COQ8B: variants seen among roughly 807,000 people sequenced by gnomAD.
COQ8B encodes the protein atypical kinase COQ8B, mitochondrial.
A neutral mutation model predicts 62.0 loss-of-function variants in COQ8B; 44 were observed. The ratio of observed to expected loss-of-function variants is 0.71; its 90% confidence interval spans 0.56 to 0.91. The LOEUF is 0.91. COQ8B is among the 40% of genes least tolerant of loss of function. The probability of loss-of-function intolerance (pLI) is 0.00; values close to 1 mark genes in which losing one functional copy is unlikely to be tolerated. For synonymous variants in COQ8B, 252 were observed against 289.9 expected (o/e 0.87, Z 1.33); for missense variants, 649 against 731.6 (o/e 0.89, Z 1.30).
chr19:40,703,107 C>A (rs1233981943), intron 9 of COQ8B, among the ~76,000 whole-genome samples: 1 of 152,180 alleles, frequency 6.6e-6, no homozygotes, highest in Non-Finnish European at 1.5e-5. Flanking sequence ...TTCATACTGA[C>A]TCTCACGTTG....
intron 10 of COQ8B, among the ~76,000 whole-genome samples, chr19:40,702,306 G>C (rs1289164681): frequency 7.1e-6 from 1 of 140,918 alleles, no homozygotes; most frequent in African/African-American, 2.7e-5. Flanking sequence ...GTCCAGCAGA[G>C]GTAAGAGTGT....
intron 4 of COQ8B, among the ~76,000 whole-genome samples, chr19:40,710,369 C>T (rs911315003): frequency 7.9e-5 from 12 of 152,172 alleles, no homozygotes; most frequent in African/African-American, 2.2e-4. Flanking sequence ...CTCAGCCTCC[C>T]GAGTAGCTGG....
chr19:40,704,148 C>CTTTT (rs1188224323), intron 7 of COQ8B: 21 of 163,088 alleles, frequency 1.3e-4, no homozygotes, highest in East Asian at 4.8e-4. Flanking sequence ...CATAACAATC[C>CTTTT]TTTTTTTTTT....
intron 5 of COQ8B, among the ~76,000 whole-genome samples, chr19:40,709,617 G>A (rs541942961): frequency 6.6e-6 from 1 of 152,246 alleles, no homozygotes; most frequent in Non-Finnish European, 1.5e-5. Flanking sequence ...AGGCCAAGGC[G>A]GGTGGATCAT....
At chr19:40,701,989 C>T (rs575646920) in intron 10 of COQ8B, among the ~76,000 whole-genome samples, 17 of 152,294 alleles carry the variant, frequency 1.1e-4, no homozygotes, top group Non-Finnish European at 2.2e-4. Context: ...GATGAATATA[C>T]CGTTGCTTAT....
intron 12 of COQ8B, among the ~76,000 whole-genome samples, chr19:40,698,682 G>C (rs572166499): frequency 6.6e-6 from 1 of 152,284 alleles, no homozygotes; most frequent in South Asian, 2.1e-4. Context: ...AGAGGCAAGG[G>C]ACTAGGGCTG....
intron 1 of COQ8B, chr19:40,715,360 C>T (rs1271171128): frequency 1.0e-6 from 1 of 985,564 alleles, no homozygotes; most frequent in African/African-American, 1.7e-5. Flanking sequence ...CCCTTCTGTT[C>T]CCTACACTTT....
In COQ8B at chr19:40,692,730, C is replaced by T. The variant is rs78991192; in HGVS notation, c.1296+221G>A. On this transcript the variant is annotated intron_variant, in intron 14 of 14. Transcript: ENST00000324464. ...CACCTCCCCCCACTCCTCCCCAAAG[C>T]CCCCAGCATGGATAAGCATCCCTCC... Among the ~76,000 whole-genome samples, 1,396 of 151,926 alleles carry T rather than the reference C, an allele frequency of 9.2e-3. 25 individuals carry two copies. The highest frequency in any genetic ancestry group is 0.031 in the African/African-American group (1,295 of 41,386).
rs1203731794 is a variant in COQ8B, at chr19:40,705,576, G to T, written c.368-129C>A. 9 of 1,009,710 alleles carry T rather than the reference G, an allele frequency of 8.9e-6. No homozygotes were observed. In the African/African-American group the frequency reaches 1.3e-4, roughly 15 times the overall value. 62.5% of individuals were successfully genotyped at this position (1,009,710 alleles called of 1,614,324 possible). On this transcript the variant is annotated intron_variant, in intron 5 of 14. Transcript: ENST00000324464. The stretch of plus-strand genomic sequence containing the variant: ...GGATGAACACAGGAGTCTGAGACCA[G>T]TCTGGGCAACAGTGACATCCTTTCT...
chr19:40,695,193 C>G (rs1024171076), intron 13 of COQ8B, among the ~76,000 whole-genome samples: 1 of 151,962 alleles, frequency 6.6e-6, no homozygotes, highest in Admixed American at 6.6e-5. Flanking sequence ...TGGCACATGC[C>G]TGTAATCCCA....
chr19:40,714,018 T>C (rs769490344), intron 4 of COQ8B, 49 bp downstream of exon 4: 7 of 1,579,788 alleles, frequency 4.4e-6, no homozygotes, highest in Non-Finnish European at 6.1e-6. Context: ...CTGTAAATGT[T>C]GCCCTTTCTA....
At chr19:40,697,847 T>TAGAGAGAGAGAGAGAGAG (rs1349238558) in intron 12 of COQ8B, among the ~76,000 whole-genome samples, 5 of 56,884 alleles carry the variant, frequency 8.8e-5, no homozygotes, top group African/African-American at 4.2e-4. Context: ...TATATATATA[T>TAGAGAGAGAGAGAGAGAG]ATATAGAGAG....
At chr19:40,715,229 G>A (rs1483313529) in intron 1 of COQ8B, 1 of 984,786 alleles carries the variant, frequency 1.0e-6, no homozygotes, top group Non-Finnish European at 1.2e-6. Flanking sequence ...CCCTAGCGAT[G>A]GAGCCTGGAA....
In COQ8B at chr19:40,706,217, T is replaced by A. The variant is rs1212072930; in HGVS notation, c.368-770A>T. On this transcript the variant is annotated intron_variant, in intron 5 of 14. Coordinates refer to ENST00000324464, the MANE Select transcript of COQ8B (RefSeq NM_024876.4). ...TGAGGGGAGTGACCAGGTGGGGACA[T>A]GAGAAGGGCAACGATTCTCGAAATG... Among the ~76,000 whole-genome samples the A allele has an allele frequency of 9.2e-5, 14 of 152,230 alleles. No homozygotes were observed. In the East Asian group the frequency reaches 2.3e-3, roughly 25 times the overall value.
intron 4 of COQ8B, among the ~76,000 whole-genome samples, chr19:40,713,790 G>A (rs1180057322): frequency 6.7e-6 from 1 of 149,024 alleles, no homozygotes; most frequent in Non-Finnish European, 1.5e-5. Context: ...AGGCTGAGGC[G>A]AGAGAATTGC....
intron 12 of COQ8B, among the ~76,000 whole-genome samples, chr19:40,696,994 A>T (rs547011741): frequency 6.6e-6 from 1 of 152,310 alleles, no homozygotes; most frequent in Non-Finnish European, 1.5e-5. Context: ...ACTGCTGTGT[A>T]AGGACTTCGT....
rs1599922092 is a variant in COQ8B, at chr19:40,692,390, G to C, written c.1297-17C>G. On this transcript the variant is annotated splice_polypyrimidine_tract_variant and intron_variant, in intron 14 of 14. Coordinates refer to ENST00000324464, the MANE Select transcript of COQ8B (RefSeq NM_024876.4). ...GGAGAATGCCTGGGAGTGGGGGTGG[G>C]GGGAGAGCAAAGGCAGCCAGTGTGG... is the stretch of plus-strand genomic sequence containing the variant. 6.2e-7 allele frequency: 1 copy of C among 1,609,740 alleles called. No homozygotes were observed. The highest frequency in any genetic ancestry group is 1.1e-5 in the South Asian group (1 of 90,840).
At chr19:40,700,600 G>T in intron 10 of COQ8B, 149 bp from the exon 11 acceptor site, 1 of 971,894 alleles carries the variant, frequency 1.0e-6, no homozygotes, top group Non-Finnish European at 1.5e-6. Flanking sequence ...GTCTGCCCTG[G>T]GTGATGACCA....
intron 9 of COQ8B, among the ~76,000 whole-genome samples, chr19:40,702,955 C>T (rs1036001171): frequency 1.2e-4 from 18 of 152,182 alleles, no homozygotes; most frequent in Admixed American, 9.8e-4. Context: ...CATCTGTCTA[C>T]ACATTTCCCT....
Sources: gnomAD v4.1 joint callset for allele counts (sites outside exome capture counted in the v4.1 genomes callset) on GRCh38, gnomAD v4.1.1 for gene constraint, MANE v1.5 for transcripts, NCBI Gene and HGNC (gene_info 2026-07-23, HGNC 2026-07-21) for gene names.